RDH13: variants seen among roughly 807,000 people sequenced by gnomAD.
RDH13 encodes the protein retinol dehydrogenase 13 (all-trans and 9-cis).
Under a neutral mutation model 28.3 loss-of-function variants are expected in RDH13, and 35 were observed. That is an observed-to-expected ratio of 1.24 (90% CI 0.95 to 1.64). RDH13 has a LOEUF of 1.64. Among genes scored for constraint, RDH13 ranks in the 40% most tolerant of loss-of-function variants. The pLI, the probability that RDH13 is intolerant of heterozygous loss-of-function variation, is 0.00. For synonymous variants in RDH13, 229 were observed against 198.5 expected (o/e 1.15, Z -1.29); for missense variants, 514 against 446.3 (o/e 1.15, Z -1.37).
intron 3 of RDH13, among the ~76,000 whole-genome samples, chr19:55,054,540 C>T (rs938442198): frequency 2.6e-5 from 4 of 152,010 alleles, no homozygotes; most frequent in Admixed American, 1.3e-4. Context: ...GAGCCAAGAT[C>T]GCATCATTGC....
At chr19:55,040,649 G>T (rs2075003872), downstream of RDH13, 1 of 152,192 alleles carries the variant, frequency 6.6e-6, no homozygotes, top group Admixed American at 6.5e-5. Context: ...AAGCTGCATA[G>T]AATTTTAAAC....
upstream of RDH13, among the ~76,000 whole-genome samples, chr19:55,065,800 C>T (rs573402680): frequency 1.1e-4 from 17 of 152,308 alleles, no homozygotes; most frequent in East Asian, 2.5e-3. Context: ...TCACTGCAAC[C>T]TCTGCCTCCT....
At chr19:55,051,749 A>G (rs1330855258) in intron 3 of RDH13, among the ~76,000 whole-genome samples, 1 of 133,832 alleles carries the variant, frequency 7.5e-6, no homozygotes, top group Non-Finnish European at 1.6e-5. Flanking sequence ...TTTTCTTTTT[A>G]TGAGAGGGAA....
Position 55,048,343 on chromosome 19 carries a change from C to G in RDH13, c.644G>C (p.Ser215Thr). The G allele has an allele frequency of 1.2e-6, 2 of 1,614,150 alleles. No individual in the cohort carries two copies. The highest frequency in any genetic ancestry group is 8.5e-7 in the Non-Finnish European group (1 of 1,180,046). The change falls in exon 5 of 7, where the codon AGC becomes ACC. Residue 215 changes from serine (S) to threonine (T), a missense_variant. Ser to Thr is a moderately conservative substitution (Grantham distance 58). Transcript: ENST00000415061. ...LAIVLFTKEL[S>T]RRLQGSGVTV... ...CGCCCCCGTACCTTGCAGCCGCCGG[C>G]TCAGCTCCTTGGTGAAGAGGACGAT...
chr19:55,053,600 TG>T (rs1341163175), intron 3 of RDH13, among the ~76,000 whole-genome samples: 1 of 148,006 alleles, frequency 6.8e-6, no homozygotes, highest in East Asian at 2.0e-4. Context: ...GAGCTTGGAG[TG>T]AGCCGAGATG....
intron 3 of RDH13, among the ~76,000 whole-genome samples, chr19:55,049,837 CA>C (rs2075368928): frequency 6.6e-6 from 1 of 151,228 alleles, no homozygotes; most frequent in South Asian, 2.1e-4. Flanking sequence ...AGTCCCAGAT[CA>C]AGGTGTGGGC....
intron 5 of RDH13, 103 bp downstream of exon 5, chr19:55,048,226 G>C: frequency 1.9e-6 from 3 of 1,562,256 alleles, no homozygotes; most frequent in Non-Finnish European, 1.7e-6. Flanking sequence ...TGCTGACTCT[G>C]TTCTGGATCC....
downstream of RDH13, chr19:55,043,048 G>A (rs2146971054): frequency 6.6e-6 from 1 of 152,424 alleles, no homozygotes; most frequent in African/African-American, 2.4e-5. Flanking sequence ...TCCACTGGAA[G>A]TTGCCTACCA....
upstream of RDH13, among the ~76,000 whole-genome samples, chr19:55,064,856 A>G (rs554710628): frequency 1.3e-3 from 198 of 149,312 alleles, 3 homozygotes; most frequent in South Asian, 0.026. Flanking sequence ...CAGGTGATCC[A>G]CCTGCCTCGG....
downstream of RDH13, among the ~76,000 whole-genome samples, chr19:55,043,654 C>T (rs908858885): frequency 3.9e-5 from 6 of 152,188 alleles, no homozygotes; most frequent in Non-Finnish European, 5.9e-5. Context: ...GGCAACAGAG[C>T]GAGACTAGGT....
At chr19:55,054,304 GAAAC>G (rs1228267426) in intron 3 of RDH13, among the ~76,000 whole-genome samples, 1 of 152,156 alleles carries the variant, frequency 6.6e-6, no homozygotes, top group Non-Finnish European at 1.5e-5. Context: ...GACTAGAAAA[GAAAC>G]AAAGCAGCTG....
intron 3 of RDH13, among the ~76,000 whole-genome samples, chr19:55,052,603 C>CCACCTCCACCTCCCAAGTAGT (rs1310075056): frequency 3.0e-4 from 45 of 151,688 alleles, no homozygotes; most frequent in South Asian, 1.0e-3. Flanking sequence ...AGCAATCCTC[C>CCACCTCCACCTCCCAAGTAGT]CACCTCCACC....
At chr19:55,053,356 T>C (rs191949170) in intron 3 of RDH13, among the ~76,000 whole-genome samples, 1,880 of 152,272 alleles carry the variant, frequency 0.012, 15 homozygotes, top group Non-Finnish European at 0.019. Context: ...GACACAGCTT[T>C]ACTTAATCCT....
At chr19:55,063,344 G>T (rs1341036340), upstream of RDH13, 4 of 353,994 alleles carry the variant, frequency 1.1e-5, no homozygotes, top group African/African-American at 8.4e-5. Flanking sequence ...CGTCACACTT[G>T]CCGCAGCGTA....
chr19:55,045,145 G>A lies in RDH13; in HGVS notation c.925C>T (p.Leu309Phe). 1 of 1,613,692 alleles carries A rather than the reference G, an allele frequency of 6.2e-7. No individual in the cohort carries two copies. The highest frequency in any genetic ancestry group is 8.5e-7 in the Non-Finnish European group (1 of 1,180,012). Residue 309 changes from leucine to phenylalanine, a missense_variant, in exon 7 of 7, where the codon CTT (leucine) becomes TTT (phenylalanine). By Grantham distance (22) the Leu-to-Phe change is conservative (BLOSUM62 0). Coordinates refer to ENST00000415061, the MANE Select transcript of RDH13 (RefSeq NM_001145971.2). ...ACCAGGCGGGCACTTTCAGCCCAAA[G>A]CCTCCGGGCCACCTCCTCATCCTCA... is the stretch of plus-strand genomic sequence containing the variant. ...EAEDEEVARR[L>F]WAESARLVGL...
intron 3 of RDH13, among the ~76,000 whole-genome samples, chr19:55,051,552 T>C (rs891015320): frequency 9.3e-6 from 1 of 107,124 alleles, no homozygotes; most frequent in Non-Finnish European, 2.0e-5. Flanking sequence ...TGCCTCAGCC[T>C]CCCGAGTACT....
At chr19:55,041,350 T>C (rs2075025108), downstream of RDH13, 3 of 152,362 alleles carry the variant, frequency 2.0e-5, no homozygotes, top group South Asian at 6.2e-4. Context: ...ATGGCAGAAA[T>C]TGGGGTGCTC....
Position 55,061,844 on chromosome 19 carries a change from AC to A in RDH13, c.65+1123del, listed in dbSNP as rs2075816747. 2.6e-5 allele frequency among the ~76,000 whole-genome samples: 4 copies of A among 151,340 alleles called. No homozygotes were observed. In the South Asian group the frequency reaches 8.4e-4, roughly 32 times the overall value. On this transcript the variant is annotated intron_variant, in intron 1 of 6. Coordinates refer to ENST00000415061, the MANE Select transcript of RDH13 (RefSeq NM_001145971.2). The stretch of plus-strand genomic sequence containing the variant: ...CATAAGATCCTTCACTTGGCCGGGC[AC>A]GGTGGCTCACGCCTGTAACCCCAGC...
intron 3 of RDH13, among the ~76,000 whole-genome samples, chr19:55,049,559 G>C (rs2075359909): frequency 6.6e-6 from 1 of 152,168 alleles, no homozygotes; most frequent in South Asian, 2.1e-4. Context: ...GGAGGCCGAG[G>C]TGGGCAGATC....
Sources: allele counts gnomAD v4.1 joint callset (sites outside exome capture counted in the v4.1 genomes callset), GRCh38; gene constraint gnomAD v4.1.1; transcripts MANE v1.5; gene names NCBI Gene and HGNC (gene_info 2026-07-23, HGNC 2026-07-21).